Variants in CFAP299 observed in about 807,000 individuals in gnomAD.
CFAP299 encodes cilia and flagella associated protein 299.
Under a neutral mutation model 27.0 loss-of-function variants are expected in CFAP299, and 21 were observed. That is an observed-to-expected ratio of 0.78 (90% CI 0.55 to 1.12). The LOEUF (loss-of-function observed/expected upper bound fraction) is 1.12, where lower values mean the gene tolerates loss of function less well. Ranked by LOEUF, CFAP299 falls within the 50% of genes most tolerant of loss-of-function variation. The pLI is 0.00. For missense variants in CFAP299, 310 were observed against 276.6 expected (o/e 1.12, Z -0.86); for synonymous variants, 104 against 98.1 (o/e 1.06, Z -0.36).
intron 2 of CFAP299, among the ~76,000 whole-genome samples, chr4:80,452,629 A>G (rs372876678): frequency 4.0e-4 from 61 of 152,280 alleles, no homozygotes; most frequent in South Asian, 1.4e-3. Flanking sequence ...TTAACATTAA[A>G]AGGGATGTCA....
At chr4:80,566,327 C>G (rs984516817) in intron 2 of CFAP299, among the ~76,000 whole-genome samples, 5 of 151,986 alleles carry the variant, frequency 3.3e-5, no homozygotes, top group African/African-American at 4.8e-5. Flanking sequence ...CTAAACCCCT[C>G]TTTTTTCCTT....
intron 2 of CFAP299, among the ~76,000 whole-genome samples, chr4:80,365,320 T>G (rs1723773264): frequency 6.6e-6 from 1 of 152,228 alleles, no homozygotes; most frequent in South Asian, 2.1e-4. Context: ...CATTGTGGTT[T>G]TGATTTGCCT....
rs192389226 is a variant in CFAP299 at position 80,889,227 on chromosome 4, A to G, written c.476+19092A>G. The stretch of plus-strand genomic sequence containing the variant: ...TTTTAAAGATTAACAAAATTGACAA[A>G]CCTTTAGCCAGACTAAGAAAAAGAG... On this transcript the variant is annotated intron_variant, in intron 4 of 5. Coordinates refer to ENST00000358105, the MANE Select transcript of CFAP299 (RefSeq NM_152770.3). 3.6e-4 allele frequency among the ~76,000 whole-genome samples: 54 copies of G among 151,932 alleles called. 1 individual carries two copies. In the East Asian group the frequency reaches 7.1e-3, roughly 20 times the overall value.
At chr4:80,637,677 A>G (rs1343943084) in intron 3 of CFAP299, among the ~76,000 whole-genome samples, 1 of 152,238 alleles carries the variant, frequency 6.6e-6, no homozygotes, top group Non-Finnish European at 1.5e-5. Context: ...CAAACATGTA[A>G]GGTAGTCTCA....
chr4:80,426,441 GAA>G (rs763430572), intron 2 of CFAP299, among the ~76,000 whole-genome samples: 82 of 152,184 alleles, frequency 5.4e-4, no homozygotes, highest in Middle Eastern at 6.8e-3. Context: ...TCATCCTCAA[GAA>G]AAAAGTAAAT....
intron 2 of CFAP299, among the ~76,000 whole-genome samples, chr4:80,401,478 AG>A (rs568173770): frequency 1.2e-4 from 18 of 152,312 alleles, no homozygotes; most frequent in African/African-American, 4.3e-4. Context: ...GTGGCTTCAG[AG>A]GGGGGAAGCC....
chr4:80,447,146 T>G (rs1238574257), intron 2 of CFAP299, among the ~76,000 whole-genome samples: 1 of 137,116 alleles, frequency 7.3e-6, no homozygotes, highest in Non-Finnish European at 1.6e-5. Flanking sequence ...TTTTTTTTTT[T>G]TTTTTTTGAG....
At chr4:80,402,063 A>C (rs1405847016) in intron 2 of CFAP299, among the ~76,000 whole-genome samples, 1 of 152,136 alleles carries the variant, frequency 6.6e-6, no homozygotes, top group Non-Finnish European at 1.5e-5. Context: ...ATATTTACCC[A>C]ATACCTGTAC....
At chr4:80,636,050 C>T (rs1433930412) in intron 3 of CFAP299, among the ~76,000 whole-genome samples, 2 of 152,070 alleles carry the variant, frequency 1.3e-5, no homozygotes, top group African/African-American at 2.4e-5. Flanking sequence ...TAATAGAAGC[C>T]TCAAATTAGA....
chr4:80,753,756 T>C (rs1210675803), intron 3 of CFAP299, among the ~76,000 whole-genome samples: 9 of 152,200 alleles, frequency 5.9e-5, no homozygotes, highest in Non-Finnish European at 8.8e-5. Flanking sequence ...TTTTTTCTGC[T>C]ATGTCAAATC....
chr4:80,390,671 A>C (rs982239967), intron 2 of CFAP299, among the ~76,000 whole-genome samples: 2 of 146,602 alleles, frequency 1.4e-5, no homozygotes, highest in African/African-American at 5.0e-5. Context: ...GTATATATGT[A>C]TACATGTATA....
intron 2 of CFAP299, among the ~76,000 whole-genome samples, chr4:80,488,775 C>T (rs758844934): frequency 3.3e-5 from 5 of 152,142 alleles, no homozygotes; most frequent in Non-Finnish European, 7.3e-5. Flanking sequence ...CGCACCCGGC[C>T]GGTAACCACT....
At chr4:80,646,995 G>A (rs1740050926) in intron 3 of CFAP299, among the ~76,000 whole-genome samples, 1 of 25,968 alleles carries the variant, frequency 3.9e-5, no homozygotes, top group Admixed American at 6.7e-4. Context: ...GAGAGTGTGT[G>A]TGTGTGTGTG....
intron 3 of CFAP299, among the ~76,000 whole-genome samples, chr4:80,734,726 G>T (rs147062236): frequency 6.6e-6 from 1 of 152,106 alleles, no homozygotes; most frequent in African/African-American, 2.4e-5. Context: ...AGAGACTGTC[G>T]TTCCCCCATT....
chr4:80,637,534 C>G (rs1553942894), intron 3 of CFAP299, among the ~76,000 whole-genome samples: 5 of 151,974 alleles, frequency 3.3e-5, no homozygotes, highest in Non-Finnish European at 4.4e-5. Context: ...ACCCAAAGAT[C>G]GAGTTTAAAG....
intron 2 of CFAP299, among the ~76,000 whole-genome samples, chr4:80,393,007 C>G (rs1245676001): frequency 6.6e-6 from 1 of 151,962 alleles, no homozygotes; most frequent in Admixed American, 6.6e-5. Flanking sequence ...TGTTATTACC[C>G]CTGAAGACTT....
At chr4:80,415,722 A>G (rs1338934519) in intron 2 of CFAP299, among the ~76,000 whole-genome samples, 1 of 152,204 alleles carries the variant, frequency 6.6e-6, no homozygotes, top group East Asian at 1.9e-4. Flanking sequence ...TTTAGTAAAA[A>G]CAAACTAAAA....
chr4:80,844,427 C>G (rs1731048130), intron 3 of CFAP299, among the ~76,000 whole-genome samples: 1 of 152,128 alleles, frequency 6.6e-6, no homozygotes, highest in Admixed American at 6.6e-5. Flanking sequence ...TGTTTCCTGA[C>G]TTTTTAATGA....
rs187719475 is a variant in CFAP299 at position 80,612,656 on chromosome 4, G to A, written c.333+29473G>A. On this transcript the variant is annotated intron_variant, in intron 3 of 5. Transcript: ENST00000358105. The stretch of plus-strand genomic sequence containing the variant: ...TCCTTTTATTAAATAATTTTCTGTG[G>A]TTTAATTTAAACTATTTCAATAATA... 3.2e-4 allele frequency among the ~76,000 whole-genome samples: 49 copies of A among 152,092 alleles called. 1 individual carries two copies. The highest frequency in any genetic ancestry group is 1.2e-3 in the African/African-American group (49 of 41,510).
Sources: allele counts gnomAD v4.1 joint callset (sites outside exome capture counted in the v4.1 genomes callset), GRCh38; gene constraint gnomAD v4.1.1; transcripts MANE v1.5; gene names NCBI Gene and HGNC (gene_info 2026-07-23, HGNC 2026-07-21).